Variants in GP6 observed in about 807,000 individuals in gnomAD.
GP6 encodes the protein platelet glycoprotein VI.
Under a neutral mutation model 37.3 loss-of-function variants are expected in GP6, and 45 were observed. The ratio of observed to expected loss-of-function variants is 1.21; its 90% CI spans 0.95 to 1.55. GP6 has a LOEUF of 1.55. Among genes scored for constraint, GP6 ranks in the 40% most tolerant of loss-of-function variants. GP6 has a pLI of 0.00. For synonymous variants in GP6, 340 were observed against 316.4 expected (o/e 1.07, Z -0.79); for missense variants, 813 against 760.2 (o/e 1.07, Z -0.82).
intron 5 of GP6, among the ~76,000 whole-genome samples, chr19:55,024,518 G>A (rs972885310): frequency 6.6e-6 from 1 of 152,172 alleles, no homozygotes; most frequent in Non-Finnish European, 1.5e-5. Flanking sequence ...GAGACACAGG[G>A]AATGTTAGAC....
intron 3 of GP6, among the ~76,000 whole-genome samples, chr19:55,029,685 C>T (rs903470190): frequency 4.0e-5 from 6 of 148,316 alleles, no homozygotes; most frequent in Non-Finnish European, 7.4e-5. Flanking sequence ...CCACCGTGCC[C>T]GACCAGGAAT....
chr19:55,018,901 C>T lies in GP6; in HGVS notation c.665-190G>A, dbSNP rs77217779. The T allele has an allele frequency of 2.5e-3, 1,619 of 645,976 alleles. 15 individuals carry two copies. The African/African-American group carries it at 0.026, about 10-fold the overall frequency. 40.0% of individuals were successfully genotyped at this position (645,976 alleles called of 1,614,324 possible). A position where few individuals can be genotyped will look rare whatever the true frequency, so the allele number is the denominator to read the frequency against. On this transcript the variant is annotated intron_variant, in intron 5 of 7. Coordinates refer to ENST00000310373, the MANE Select transcript of GP6 (RefSeq NM_001083899.2). ...TGACCGGCTTAGTAAGAAGCAGATC[C>T]GTTCAGCAATTGATAGACACTTGGT...
intron 4 of GP6, among the ~76,000 whole-genome samples, chr19:55,026,000 CA>C (rs869194721): frequency 0.042 from 756 of 17,876 alleles, 2 homozygotes; most frequent in African/African-American, 0.093. Flanking sequence ...AGACTCCCCC[CA>C]AAAAAAAAAA....
intron 5 of GP6, among the ~76,000 whole-genome samples, chr19:55,020,805 C>G (rs1417845249): frequency 3.3e-5 from 5 of 152,066 alleles, no homozygotes. Flanking sequence ...AATCCCAGCA[C>G]TTTGGGAGGC....
chr19:55,029,405 T>G (rs1156411903), intron 3 of GP6, among the ~76,000 whole-genome samples: 2 of 82,526 alleles, frequency 2.4e-5, no homozygotes, highest in Middle Eastern at 9.3e-3. Context: ...TTTTTTTTTT[T>G]TGGGAAACAG....
intron 5 of GP6, among the ~76,000 whole-genome samples, chr19:55,020,127 A>G (rs2074023522): frequency 7.0e-6 from 1 of 142,400 alleles, no homozygotes. Context: ...GTTTATGCTC[A>G]GCTCTCGGTG....
At chr19:55,024,258 G>GCACACATATGCACGCATGCACACA (rs1200232821) in intron 5 of GP6, among the ~76,000 whole-genome samples, 4 of 41,134 alleles carry the variant, frequency 9.7e-5, no homozygotes, top group Admixed American at 7.3e-4. Context: ...AGAAGCACAC[G>GCACACATATGCACGCATGCACACA]CACACATATG....
intron 4 of GP6, among the ~76,000 whole-genome samples, chr19:55,026,771 A>G (rs1378904791): frequency 2.6e-5 from 4 of 152,150 alleles, no homozygotes; most frequent in Non-Finnish European, 5.9e-5. Context: ...CTGTAATTCC[A>G]GCTACTCGAG....
chr19:55,033,695 A>C (rs534541754), intron 1 of GP6, among the ~76,000 whole-genome samples: 27 of 152,306 alleles, frequency 1.8e-4, no homozygotes, highest in African/African-American at 6.5e-4. Flanking sequence ...TTGTATAGAC[A>C]AGTATTGTAA....
chr19:55,034,136 G>A (rs62122023), intron 1 of GP6, among the ~76,000 whole-genome samples: 2 of 131,194 alleles, frequency 1.5e-5, no homozygotes, highest in African/African-American at 5.9e-5. Flanking sequence ...GTATGTATAT[G>A]TATATATGTA....
chr19:55,018,291 G>A (rs1343672199), intron 6 of GP6, among the ~76,000 whole-genome samples: 1 of 152,224 alleles, frequency 6.6e-6, no homozygotes, highest in Non-Finnish European at 1.5e-5. Flanking sequence ...GGTGCCTACA[G>A]TCTGTGTGCG....
At chr19:55,030,636 C>A (rs1480293227) in intron 3 of GP6, among the ~76,000 whole-genome samples, 2 of 151,594 alleles carry the variant, frequency 1.3e-5, no homozygotes, top group Non-Finnish European at 2.9e-5. Context: ...AGCCGCCGCG[C>A]CCGGCCCAAC....
chr19:55,029,326 A>C, intron 3 of GP6, among the ~76,000 whole-genome samples: 2 of 738 alleles, frequency 2.7e-3, no homozygotes, highest in African/African-American at 5.7e-3. Context: ...ATATATATAT[A>C]TATATATATA....
intron 1 of GP6, among the ~76,000 whole-genome samples, chr19:55,033,211 TAGACACGGTGGACTCGTTC>T (rs1396790500): frequency 1.7e-5 from 1 of 60,140 alleles, no homozygotes; most frequent in Non-Finnish European, 3.3e-5. Context: ...CGTGTTGTGT[TAGACACGGTGGACTCGTTC>T]GTGTTAGACA....
chr19:55,029,358 ATATATATATATATAT>A (rs1379367240), intron 3 of GP6, among the ~76,000 whole-genome samples: 2 of 2,632 alleles, frequency 7.6e-4, no homozygotes, highest in Admixed American at 7.5e-3. Flanking sequence ...ATATATATAT[ATATATATATATATAT>A]ATTTTTTTTT....
At position 55,014,603 on chromosome 19, in the gene GP6, T is replaced by C; in HGVS notation, c.1342A>G (p.Ile448Val). ...CTTAGAGATCCGTCTGGAGCCCATA[T>C]TAGAGAGGTTGAAGAAAGAGGCCAG... is the stretch of plus-strand genomic sequence containing the variant. The change falls in exon 8 of 8, where the codon ATA becomes GTA. Residue 448 changes from isoleucine (I) to valine (V), a missense_variant. Coordinates refer to ENST00000310373, the MANE Select transcript of GP6 (RefSeq NM_001083899.2). 1 of 1,613,788 alleles carries C rather than the reference T, an allele frequency of 6.2e-7. No homozygotes were observed. Among genetic ancestry groups the C allele is most frequent in the South Asian group, 1.1e-5 (1 of 91,066 alleles).
At chr19:55,024,407 C>G (rs1479378007) in intron 5 of GP6, among the ~76,000 whole-genome samples, 1 of 152,072 alleles carries the variant, frequency 6.6e-6, no homozygotes, top group East Asian at 1.9e-4. Flanking sequence ...TCCCTGCCCA[C>G]TAGGCATAAT....
chr19:55,025,050 C>T (rs1262557292), intron 5 of GP6, among the ~76,000 whole-genome samples, 168 bp downstream of exon 5: 4 of 152,216 alleles, frequency 2.6e-5, no homozygotes, highest in East Asian at 3.8e-4. Flanking sequence ...CATCTAACTA[C>T]TTAGGACACC....
At chr19:55,030,833 G>T (rs1486045114) in intron 3 of GP6, among the ~76,000 whole-genome samples, 1 of 152,058 alleles carries the variant, frequency 6.6e-6, no homozygotes. Context: ...ATATAATATA[G>T]TTGTGTCTAT....
Sources: allele counts gnomAD v4.1 joint callset (sites outside exome capture counted in the v4.1 genomes callset), GRCh38; gene constraint gnomAD v4.1.1; transcripts MANE v1.5; gene names NCBI Gene and HGNC (gene_info 2026-07-23, HGNC 2026-07-21).